The following STAU1 variants were observed in gnomAD, a reference collection of about 807,000 sequenced individuals.
The protein encoded by STAU1 is double-stranded RNA-binding protein Staufen homolog 1.
Under a neutral mutation model 62.9 loss-of-function variants are expected in STAU1, and 13 were observed. The observed-to-expected ratio is 0.21, with a 90% CI of 0.13 to 0.33. STAU1 has a LOEUF of 0.33. Among genes scored for constraint, STAU1 ranks in the 10% least tolerant of loss-of-function variants. The pLI is 1.00. For synonymous variants in STAU1, 269 were observed against 265.1 expected (o/e 1.01, Z -0.14); for missense variants, 571 against 712.1 (o/e 0.80, Z 2.25).
At chr20:49,174,510 C>T (rs892693053) in intron 1 of STAU1, among the ~76,000 whole-genome samples, 5 of 150,638 alleles carry the variant, frequency 3.3e-5, no homozygotes, top group African/African-American at 9.8e-5. Context: ...ACCTGAGACC[C>T]GGAGTTCAAG....
At chr20:49,164,085 C>A (rs911615960) in intron 3 of STAU1, among the ~76,000 whole-genome samples, 2 of 152,090 alleles carry the variant, frequency 1.3e-5, no homozygotes, top group African/African-American at 2.4e-5. Context: ...TACAAAACAG[C>A]CGAGCGTAGT....
At chr20:49,151,913 T>C (rs1175040565) in intron 4 of STAU1, among the ~76,000 whole-genome samples, 166 bp from the exon 5 acceptor site, 1 of 152,226 alleles carries the variant, frequency 6.6e-6, no homozygotes, top group Non-Finnish European at 1.5e-5. Context: ...AAGCTTAAAC[T>C]GGATTAGAAT....
intron 2 of STAU1, among the ~76,000 whole-genome samples, chr20:49,169,964 A>T (rs1451183140): frequency 6.6e-6 from 1 of 152,236 alleles, no homozygotes; most frequent in Non-Finnish European, 1.5e-5. Flanking sequence ...GTAACACAAA[A>T]ATCTTCTCAT....
intron 6 of STAU1, among the ~76,000 whole-genome samples, chr20:49,127,615 A>C (rs1265243772): frequency 6.6e-6 from 1 of 152,216 alleles, no homozygotes; most frequent in East Asian, 1.9e-4. Flanking sequence ...CTAACACAGG[A>C]GAAATGCTTG....
chr20:49,191,458 TTAG>T (rs1353951443), upstream of STAU1, among the ~76,000 whole-genome samples: 1 of 152,006 alleles, frequency 6.6e-6, no homozygotes, highest in Non-Finnish European at 1.5e-5. Flanking sequence ...TCAGCCTGTC[TTAG>T]TAGTCATGAT....
intron 3 of STAU1, among the ~76,000 whole-genome samples, chr20:49,154,863 T>C (rs2093331715): frequency 6.7e-6 from 1 of 150,360 alleles, no homozygotes; most frequent in African/African-American, 2.5e-5. Flanking sequence ...GGCGGGTGGA[T>C]CACCTGAGGT....
At chr20:49,136,067 C>T in intron 5 of STAU1, 136 bp from the exon 6 acceptor site, 1 of 631,916 alleles carries the variant, frequency 1.6e-6, no homozygotes, top group Non-Finnish European at 2.7e-6. Context: ...TGAGACCAGC[C>T]TGAGCAACAT....
At chr20:49,195,776 G>A in the STAU1 span, among the ~76,000 whole-genome samples, 1 of 150,402 alleles carries the variant, frequency 6.6e-6, no homozygotes, top group African/African-American at 2.4e-5. Context: ...GGTGGCACAT[G>A]CCTGTAATTC....
Position 49,166,379 on chromosome 20 carries a change from T to C in STAU1, c.-84-94A>G. The C allele has an allele frequency of 6.7e-6, 4 of 599,506 alleles. No homozygotes were observed. In the East Asian group the frequency reaches 1.1e-4, roughly 17 times the overall value. The allele number at this position is 599,506 out of a possible 1,614,324, so 37.1% of individuals were successfully genotyped here. A position where few individuals can be genotyped will look rare whatever the true frequency, so the allele number is the denominator to read the frequency against. On this transcript the variant is annotated intron_variant, in intron 2 of 13. Coordinates refer to ENST00000371856, the MANE Select transcript of STAU1 (RefSeq NM_017453.4). Reference sequence around the variant, plus strand: ...GTCAAAATGGTGTCACCTACTGACTTATGAAAATAGCTCCATTTAGCATGT... The same window carrying C: ...GTCAAAATGGTGTCACCTACTGACTCATGAAAATAGCTCCATTTAGCATGT...
intron 5 of STAU1, among the ~76,000 whole-genome samples, chr20:49,139,591 T>G (rs1405325386): frequency 6.6e-6 from 1 of 151,324 alleles, no homozygotes; most frequent in Non-Finnish European, 1.5e-5. Context: ...CCGGGTGTGG[T>G]AGCAGACGTC....
chr20:49,131,248 A>G (rs1167993410), intron 6 of STAU1, among the ~76,000 whole-genome samples: 2 of 152,260 alleles, frequency 1.3e-5, no homozygotes, highest in Non-Finnish European at 2.9e-5. Context: ...GAGACTAAAG[A>G]GAAAGGTCAG....
intron 1 of STAU1, among the ~76,000 whole-genome samples, chr20:49,176,216 C>T (rs2093659144): frequency 1.3e-5 from 2 of 152,190 alleles, no homozygotes; most frequent in Non-Finnish European, 1.5e-5. Context: ...TTGGCATATG[C>T]TTGGTGACCC....
chr20:49,207,413 C>T, the STAU1 span, among the ~76,000 whole-genome samples: 3 of 152,150 alleles, frequency 2.0e-5, no homozygotes, highest in Non-Finnish European at 2.9e-5. Flanking sequence ...TAGAGAAGTC[C>T]TCCGGGCAGG....
intron 6 of STAU1, among the ~76,000 whole-genome samples, chr20:49,124,839 C>A (rs977643233): frequency 6.6e-6 from 1 of 152,104 alleles, no homozygotes; most frequent in African/African-American, 2.4e-5. Flanking sequence ...TACTCCCATG[C>A]CCCTGGCTCA....
rs2092370899 is a variant in STAU1, at chr20:49,117,973, T to C, written c.1313A>G (p.Asp438Gly). 3.1e-6 allele frequency: 5 copies of C among 1,614,130 alleles called. No individual in the cohort carries two copies. The highest frequency in any genetic ancestry group is 4.2e-6 in the Non-Finnish European group (5 of 1,180,020). Residue 438 changes from aspartate to glycine, a missense_variant, in exon 11 of 14, where the codon GAT becomes GGT. Physicochemically the swap from Asp to Gly is moderately conservative, Grantham distance 94. Coordinates refer to ENST00000371856, the MANE Select transcript of STAU1 (RefSeq NM_017453.4). The surrounding 1 kb of genome is among the most constrained non-coding windows in gnomAD (Gnocchi z 4.6). ...VGVSQGHHTK[D>G]FTRAAPNPAK... The stretch of plus-strand genomic sequence containing the variant: ...AGGATTCGGAGCTGCCCTGGTAAAA[T>C]CTTTGGTGTGATGTCCTTGACTAAC...
upstream of STAU1, among the ~76,000 whole-genome samples, chr20:49,189,514 G>A (rs950504213): frequency 4.6e-5 from 7 of 151,094 alleles, no homozygotes; most frequent in Non-Finnish European, 1.0e-4. Context: ...CAGCTACTTG[G>A]GAGGCTGAGG....
chr20:49,192,195 A>C (rs1358687980), upstream of STAU1, among the ~76,000 whole-genome samples: 5 of 151,744 alleles, frequency 3.3e-5, no homozygotes, highest in Non-Finnish European at 1.5e-5. Flanking sequence ...AAATACAAAA[A>C]ATTAGCTGGG....
At chr20:49,172,053 C>T (rs537234351) in intron 2 of STAU1, among the ~76,000 whole-genome samples, 1 of 152,270 alleles carries the variant, frequency 6.6e-6, no homozygotes, top group Non-Finnish European at 1.5e-5. Context: ...ACAACCCAGG[C>T]TGTTCAGGAT....
intron 3 of STAU1, among the ~76,000 whole-genome samples, chr20:49,163,574 C>T (rs1948346682): frequency 6.6e-6 from 1 of 151,730 alleles, no homozygotes; most frequent in Admixed American, 6.6e-5. Context: ...TATAGGCACA[C>T]ACCGCTACAC....
Sources: gnomAD v4.1 joint callset for allele counts (sites outside exome capture counted in the v4.1 genomes callset) on GRCh38, gnomAD v4.1.1 for gene constraint, Gnocchi (gnomAD v3.1) non-coding constraint, MANE v1.5 for transcripts, NCBI Gene and HGNC (gene_info 2026-07-23, HGNC 2026-07-21) for gene names.